WDPCP: variants seen among roughly 807,000 people sequenced by gnomAD.
The protein encoded by WDPCP is WD repeat containing planar cell polarity effector, also known as WD repeat-containing and planar cell polarity effector protein fritz homolog.
In WDPCP, 71 loss-of-function variants were observed where a neutral mutation model predicts 93.1. The observed-to-expected ratio is 0.76, with a 90% CI of 0.63 to 0.93. The LOEUF (loss-of-function observed/expected upper bound fraction) is 0.93. Ranked by LOEUF, WDPCP falls within the 40% of genes least tolerant of loss-of-function variation. WDPCP has a pLI of 0.00. For missense variants in WDPCP, 844 were observed against 887.4 expected (o/e 0.95, Z 0.62); for synonymous variants, 315 against 315.0 (o/e 1.00, Z 0.00).
intron 2 of WDPCP, among the ~76,000 whole-genome samples, chr2:63,662,879 T>C (rs911882760): frequency 8.5e-5 from 13 of 152,196 alleles, no homozygotes; most frequent in African/African-American, 2.9e-4. Context: ...TCATGGAGAA[T>C]TGCATCCCAA....
intron 1 of WDPCP, among the ~76,000 whole-genome samples, chr2:63,826,476 C>CT (rs1411340154): frequency 6.6e-6 from 1 of 152,082 alleles, no homozygotes; most frequent in African/African-American, 2.4e-5. Flanking sequence ...ACTTTTAGTT[C>CT]TTTTTTCTCT....
At chr2:63,148,753 G>A (rs1202589533) in intron 17 of WDPCP, among the ~76,000 whole-genome samples, 1 of 152,088 alleles carries the variant, frequency 6.6e-6, no homozygotes, top group African/African-American at 2.4e-5. Context: ...GATTCTAGGT[G>A]TAAGACAGGG....
intron 13 of WDPCP, among the ~76,000 whole-genome samples, chr2:63,276,119 G>A (rs1166222778): frequency 6.6e-6 from 1 of 152,138 alleles, no homozygotes; most frequent in Non-Finnish European, 1.5e-5. Flanking sequence ...GCTAAACCCA[G>A]AAGAGCAAAA....
chr2:63,306,123 T>G (rs1026698433), intron 13 of WDPCP, among the ~76,000 whole-genome samples: 2 of 152,056 alleles, frequency 1.3e-5, no homozygotes, highest in Non-Finnish European at 2.9e-5. Flanking sequence ...TCTCTGCAAA[T>G]CAACTAGAAA....
intron 1 of WDPCP, among the ~76,000 whole-genome samples, chr2:63,823,691 T>C (rs762601505): frequency 1.3e-5 from 2 of 151,906 alleles, no homozygotes; most frequent in Admixed American, 6.6e-5. Context: ...CTAAATACAC[T>C]CTCCCCCTAA....
chr2:63,631,292 A>T (rs1262307510), intron 3 of WDPCP, among the ~76,000 whole-genome samples: 1 of 152,096 alleles, frequency 6.6e-6, no homozygotes, highest in Non-Finnish European at 1.5e-5. Flanking sequence ...AATAAATTTT[A>T]AAAAAATTGT....
intron 6 of WDPCP, among the ~76,000 whole-genome samples, chr2:63,469,398 A>G (rs946136274): frequency 1.3e-5 from 2 of 152,224 alleles, no homozygotes; most frequent in African/African-American, 4.8e-5. Context: ...ACATGCATGC[A>G]TATATTCATT....
intron 6 of WDPCP, among the ~76,000 whole-genome samples, chr2:63,453,665 T>A (rs192314778): frequency 1.3e-3 from 203 of 152,240 alleles, no homozygotes; most frequent in Admixed American, 4.1e-3. Flanking sequence ...TGTGGCATTA[T>A]TCACAATAGC....
At chr2:63,527,491 T>A (rs1263722354) in intron 1 of WDPCP, among the ~76,000 whole-genome samples, 1 of 151,766 alleles carries the variant, frequency 6.6e-6, no homozygotes, top group Non-Finnish European at 1.5e-5. Flanking sequence ...GTCCTTGCGA[T>A]AGTTTGCTCA....
In WDPCP at chr2:63,404,665, G is replaced by T. The variant is rs201860952; in HGVS notation, c.826-8C>A. The T allele has an allele frequency of 6.1e-5, 99 of 1,613,796 alleles. 1 individual carries two copies. In the African/African-American group the frequency reaches 1.2e-3, roughly 20 times the overall value. ...GCGGACAGAACTCAGAACCTGTTAA[G>T]AAATATATCAAGTACATTCAGATAA... On this transcript the variant is annotated splice_polypyrimidine_tract_variant and splice_region_variant and intron_variant, in intron 9 of 17. Coordinates refer to ENST00000272321, the MANE Select transcript of WDPCP (RefSeq NM_015910.7).
chr2:63,582,857 A>G (rs1708585229), intron 1 of WDPCP, among the ~76,000 whole-genome samples: 1 of 152,204 alleles, frequency 6.6e-6, no homozygotes, highest in Non-Finnish European at 1.5e-5. Context: ...TTTTCCACAC[A>G]TACAAAAGCT....
rs186645354 is a variant in WDPCP at position 63,326,199 on chromosome 2, G to A, written c.1749-12888C>T. 4.9e-4 allele frequency among the ~76,000 whole-genome samples: 75 copies of A among 152,256 alleles called. No individual in the cohort carries two copies. The East Asian group carries it at 0.014, about 28-fold the overall frequency. Reference sequence around the variant, plus strand: ...ACTGGTGCTTCAAATACATAAGTTCGTGGCCCTCAACCCTGCCACTTTTCT... The same window carrying A: ...ACTGGTGCTTCAAATACATAAGTTCATGGCCCTCAACCCTGCCACTTTTCT... On this transcript the variant is annotated intron_variant, in intron 12 of 17. Transcript: ENST00000272321.
At chr2:63,817,451 A>T (rs1157015636) in intron 1 of WDPCP, among the ~76,000 whole-genome samples, 1 of 152,330 alleles carries the variant, frequency 6.6e-6, no homozygotes, top group African/African-American at 2.4e-5. Flanking sequence ...CTTAATTTTT[A>T]AAAACTAAGG....
At chr2:63,580,439 T>G (rs980937451) in intron 1 of WDPCP, among the ~76,000 whole-genome samples, 1 of 152,160 alleles carries the variant, frequency 6.6e-6, no homozygotes, top group Non-Finnish European at 1.5e-5. Flanking sequence ...ACCAAATGAT[T>G]AAAATCAACA....
At chr2:63,483,317 T>G (rs1700379262) in intron 6 of WDPCP, among the ~76,000 whole-genome samples, 1 of 152,018 alleles carries the variant, frequency 6.6e-6, no homozygotes, top group African/African-American at 2.4e-5. Context: ...TATTCAAGTT[T>G]TAAAGTCTGA....
chr2:63,160,967 G>C (rs1672603381), intron 15 of WDPCP, among the ~76,000 whole-genome samples: 1 of 152,168 alleles, frequency 6.6e-6, no homozygotes, highest in South Asian at 2.1e-4. Flanking sequence ...AGAACCATAA[G>C]TAAGAAAGCA....
chr2:63,697,897 A>T (rs1004552061), intron 2 of WDPCP, among the ~76,000 whole-genome samples: 2 of 150,532 alleles, frequency 1.3e-5, no homozygotes, highest in African/African-American at 4.9e-5. Flanking sequence ...TGATCCTCCT[A>T]CCTTGGCCTC....
intron 3 of WDPCP, among the ~76,000 whole-genome samples, chr2:63,486,890 G>A (rs909940567): frequency 3.3e-5 from 5 of 151,946 alleles, no homozygotes; most frequent in African/African-American, 1.2e-4. Context: ...CAGAACAGAA[G>A]CTGCTTCAGT....
intron 1 of WDPCP, among the ~76,000 whole-genome samples, chr2:63,548,484 T>C (rs1179647436): frequency 6.6e-6 from 1 of 152,134 alleles, no homozygotes; most frequent in Non-Finnish European, 1.5e-5. Context: ...ATAATAGATA[T>C]GGATTTTAGA....
Sources: allele counts gnomAD v4.1 joint callset (sites outside exome capture counted in the v4.1 genomes callset), GRCh38; gene constraint gnomAD v4.1.1; transcripts MANE v1.5; gene names NCBI Gene and HGNC (gene_info 2026-07-23, HGNC 2026-07-21).